Variants in SLC33A1 observed in about 807,000 individuals in gnomAD.
SLC33A1 encodes the protein solute carrier family 33 member 1, also known as acetyl-coenzyme A transporter 1.
A neutral mutation model predicts 50.0 loss-of-function variants in SLC33A1; 20 were observed. That is an observed-to-expected ratio of 0.40 (90% confidence interval 0.28 to 0.58). SLC33A1 has a LOEUF of 0.58. Ranked by LOEUF, SLC33A1 falls within the 20% of genes least tolerant of loss-of-function variation. The pLI is 0.44. For synonymous variants in SLC33A1, 265 were observed against 251.8 expected (o/e 1.05, Z -0.50); for missense variants, 476 against 657.0 (o/e 0.72, Z 3.01).
intron 1 of SLC33A1, among the ~76,000 whole-genome samples, chr3:155,850,069 C>A (rs1035944272): frequency 2.0e-5 from 3 of 151,082 alleles, no homozygotes; most frequent in Non-Finnish European, 4.4e-5. Context: ...AGTGCAGTGG[C>A]GCGATCTCAG....
chr3:155,850,932 AATTTT>A (rs929271896), intron 1 of SLC33A1, among the ~76,000 whole-genome samples: 3 of 150,894 alleles, frequency 2.0e-5, no homozygotes, highest in African/African-American at 7.3e-5. Flanking sequence ...TCTTTATTTT[AATTTT>A]ATTTTTAATT....
chr3:155,826,044 C>T lies in SLC33A1; in HGVS notation c.*2166G>A, dbSNP rs1040541023. ...AATTAAATGGCTTTCACCTTAAAGG[C>T]TTAAAATGTTTTAAAACTTCAAGTC... On this transcript the variant is annotated 3_prime_UTR_variant, in exon 6 of 6. Coordinates refer to ENST00000643144, the MANE Select transcript of SLC33A1 (RefSeq NM_004733.4). 2.0e-5 allele frequency: 3 copies of T among 152,162 alleles called. No individual in the cohort carries two copies. The highest frequency in any genetic ancestry group is 4.4e-5 in the Non-Finnish European group (3 of 68,038). The allele number at this position is 152,162 out of a possible 1,614,324, so 9.4% of individuals were successfully genotyped here.
intron 2 of SLC33A1, among the ~76,000 whole-genome samples, chr3:155,839,664 G>A (rs1752846801): frequency 6.6e-6 from 1 of 151,990 alleles, no homozygotes; most frequent in Admixed American, 6.6e-5. Context: ...AAATAAATAA[G>A]TAGGCCGGGC....
At position 155,853,903 on chromosome 3, in the gene SLC33A1, G is replaced by A; in HGVS notation, c.95C>T (p.Pro32Leu). 1.3e-6 allele frequency: 2 copies of A among 1,544,866 alleles called. No homozygotes were observed. Among genetic ancestry groups the A allele is most frequent in the South Asian group, 1.3e-5 (1 of 78,926 alleles). Residue 32 changes from proline (P) to leucine (L), a missense_variant, in exon 1 of 6, where the codon CCA (proline) becomes CTA (leucine). Physicochemically the swap from Pro to Leu is moderately conservative, Grantham distance 98 (BLOSUM62 -3). Transcript: ENST00000643144. ...CAAATGACTGTCATCCCAACCGCCT[G>A]GCGGCAGGGGACCGCTCTTCATATC... ...SLDMKSGPLP[P>L]GGWDDSHLDS...
chr3:155,851,879 GTACATAAGGTT>G (rs1167093193), intron 1 of SLC33A1, among the ~76,000 whole-genome samples: 1 of 152,182 alleles, frequency 6.6e-6, no homozygotes, highest in Non-Finnish European at 1.5e-5. Context: ...TTGAGGAGGT[GTACATAAGGTT>G]AGATGTCTGT....
intron 2 of SLC33A1, among the ~76,000 whole-genome samples, chr3:155,835,442 G>A (rs989777775): frequency 6.6e-6 from 1 of 152,122 alleles, no homozygotes; most frequent in Non-Finnish European, 1.5e-5. Flanking sequence ...CTTTTCTAAC[G>A]AAGAGCAGCC....
At chr3:155,829,059 G>A (rs1021771604) in intron 5 of SLC33A1, among the ~76,000 whole-genome samples, 18 of 151,658 alleles carry the variant, frequency 1.2e-4, no homozygotes, top group Non-Finnish European at 2.7e-4. Context: ...ACACCACCCC[G>A]CCCGGCTAAT....
rs1249058028 is a variant in SLC33A1, at chr3:155,823,098, A to C, written c.*5112T>G. 1 of 152,216 alleles carries C rather than the reference A, an allele frequency of 6.6e-6. No individual in the cohort carries two copies. The highest frequency in any genetic ancestry group is 2.4e-5 in the African/African-American group (1 of 41,470). 9.4% of individuals were successfully genotyped at this position (152,216 alleles called of 1,614,324 possible). On this transcript the variant is annotated 3_prime_UTR_variant, in exon 6 of 6. Coordinates refer to ENST00000643144, the MANE Select transcript of SLC33A1 (RefSeq NM_004733.4). ...AGGCTCCTTAAAGGCAATCTTTATA[A>C]TCCATAGTCAAATAAAAGTTTTTAT...
chr3:155,840,055 T>G (rs1360105853), intron 2 of SLC33A1, among the ~76,000 whole-genome samples: 1 of 152,004 alleles, frequency 6.6e-6, no homozygotes, highest in Non-Finnish European at 1.5e-5. Flanking sequence ...AAAGGAAATA[T>G]ACCAAGAAGG....
intron 5 of SLC33A1, among the ~76,000 whole-genome samples, chr3:155,828,903 T>G (rs990313813): frequency 4.0e-5 from 6 of 151,330 alleles, no homozygotes; most frequent in South Asian, 2.1e-4. Flanking sequence ...TATGTTTTTT[T>G]TTTTTTTTTT....
At chr3:155,844,160 GAC>G (rs1213870959) in intron 1 of SLC33A1, among the ~76,000 whole-genome samples, 1 of 152,086 alleles carries the variant, frequency 6.6e-6, no homozygotes, top group Non-Finnish European at 1.5e-5. Context: ...GAGGCAGAAA[GAC>G]AGCATTATTT....
chr3:155,849,335 A>G (rs1452831230), intron 1 of SLC33A1, among the ~76,000 whole-genome samples: 2 of 152,154 alleles, frequency 1.3e-5, no homozygotes, highest in African/African-American at 4.8e-5. Flanking sequence ...TATTTCCATC[A>G]TATAATTCTT....
chr3:155,830,100 A>G (rs1259535654), intron 4 of SLC33A1, among the ~76,000 whole-genome samples, 197 bp from the exon 5 acceptor site: 1 of 152,036 alleles, frequency 6.6e-6, no homozygotes, highest in Non-Finnish European at 1.5e-5. Flanking sequence ...GCGGTGGCTC[A>G]TGCCTGTAAT....
At chr3:155,845,153 T>C (rs1753119006) in intron 1 of SLC33A1, 1 of 152,188 alleles carries the variant, frequency 6.6e-6, no homozygotes, top group Non-Finnish European at 1.5e-5. Context: ...TCCAGTTATA[T>C]AAGACTTAAG....
intron 1 of SLC33A1, chr3:155,843,039 C>T (rs1203472312): frequency 6.6e-6 from 1 of 152,550 alleles, no homozygotes; most frequent in Admixed American, 6.6e-5. Flanking sequence ...ATTTAGGTAC[C>T]TCTTTATTAT....
chr3:155,835,229 A>G (rs1021363162), intron 2 of SLC33A1, among the ~76,000 whole-genome samples: 1 of 152,206 alleles, frequency 6.6e-6, no homozygotes, highest in African/African-American at 2.4e-5. Flanking sequence ...GAGAACATCT[A>G]CAGAATAAGG....
intron 2 of SLC33A1, among the ~76,000 whole-genome samples, chr3:155,838,680 CAAA>C (rs539049380): frequency 7.6e-5 from 5 of 65,798 alleles, no homozygotes; most frequent in Non-Finnish European, 9.4e-5. Flanking sequence ...GACTCTGTCT[CAAA>C]AAAAAAAAAA....
At chr3:155,842,381 T>C (rs1409826631) in intron 2 of SLC33A1, 51 bp downstream of exon 2, 9 of 1,166,250 alleles carry the variant, frequency 7.7e-6, no homozygotes, top group African/African-American at 7.6e-5. Flanking sequence ...AAGTATTCCA[T>C]GATATTGATA....
intron 1 of SLC33A1, among the ~76,000 whole-genome samples, chr3:155,846,563 C>G (rs1237321183): frequency 1.3e-5 from 2 of 151,716 alleles, no homozygotes; most frequent in Non-Finnish European, 2.9e-5. Flanking sequence ...AAGTGATTCT[C>G]CTGCCTCAGC....
Sources: gnomAD v4.1 joint callset for allele counts (sites outside exome capture counted in the v4.1 genomes callset) on GRCh38, gnomAD v4.1.1 for gene constraint, MANE v1.5 for transcripts, NCBI Gene and HGNC (gene_info 2026-07-23, HGNC 2026-07-21) for gene names.